STX1B: variants seen among roughly 807,000 people sequenced by gnomAD.
STX1B encodes the protein syntaxin 1B, also known as syntaxin-1B.
Under a neutral mutation model 39.4 loss-of-function variants are expected in STX1B, and 7 were observed. The observed-to-expected ratio is 0.18, with a 90% CI of 0.10 to 0.33. The LOEUF (loss-of-function observed/expected upper bound fraction) is 0.33. Among genes scored for constraint, STX1B ranks in the 10% least tolerant of loss-of-function variants. STX1B has a pLI of 1.00. For missense variants in STX1B, 198 were observed against 383.2 expected, an observed-to-expected ratio of 0.52 and a Z score of 4.04; for synonymous variants, 136 against 144.1, an observed-to-expected ratio of 0.94 and a Z score of 0.40.
rs1307946036 is a variant in STX1B, at chr16:31,001,469, AGGGGCTGGGGCTGGGTGCT to A, written c.105+41_105+59del. The A allele has an allele frequency of 9.0e-5, 95 of 1,050,924 alleles. No individual in the cohort carries two copies. In the South Asian group the frequency reaches 9.1e-4, roughly 10 times the overall value. 65.1% of individuals were successfully genotyped at this position (1,050,924 alleles called of 1,614,324 possible). ...GGGGCTGAGGCTGGGCGGTGGGACT[AGGGGCTGGGGCTGGGTGCT>A]GGGGCTGGGGCTGGGGCTGGGGGCC... is the stretch of plus-strand genomic sequence containing the variant. On this transcript the variant is annotated intron_variant, in intron 2 of 9. Transcript: ENST00000215095. The surrounding 1 kb of genome is among the most constrained non-coding windows in gnomAD (Gnocchi z 5.5).
At position 31,000,916 on chromosome 16, in the gene STX1B, T is replaced by TGTA; in HGVS notation, c.280+9_280+11dup. 1 of 1,613,938 alleles carries TGTA rather than the reference T, an allele frequency of 6.2e-7. No homozygotes were observed. The highest frequency in any genetic ancestry group is 1.1e-5 in the South Asian group (1 of 91,072). ...TTCTTTTCCTTCCTGGTTGAGGGAT[T>TGTA]GTACTCCTCACCTTTCAATTTGGAC... is the stretch of plus-strand genomic sequence containing the variant. On this transcript the variant is annotated intron_variant, in intron 4 of 9. Transcript: ENST00000215095.
intron 1 of STX1B, among the ~76,000 whole-genome samples, chr16:31,006,686 C>T (rs982078757): frequency 2.6e-5 from 4 of 152,090 alleles, no homozygotes; most frequent in African/African-American, 9.7e-5. Context: ...TGAGCTAGGT[C>T]CTGAAGGAGC....
chr16:31,000,897 T>C (rs1254948344), intron 4 of STX1B, 31 bp downstream of exon 4: 1 of 1,612,980 alleles, frequency 6.2e-7, no homozygotes, highest in African/African-American at 1.3e-5. Flanking sequence ...ACAATTCTTT[T>C]CCTTCCTGGT....
At chr16:30,993,025 G>C (rs1372937928) in intron 9 of STX1B, 105 bp downstream of exon 9, 7 of 1,338,464 alleles carry the variant, frequency 5.2e-6, no homozygotes, top group Non-Finnish European at 7.5e-6. Context: ...AACAGGAAGA[G>C]GTCAGAGCCA....
In STX1B at chr16:30,997,586, G is replaced by C; in HGVS notation, c.281-11C>G. The C allele has an allele frequency of 6.2e-7, 1 of 1,603,168 alleles. No homozygotes were observed. The highest frequency in any genetic ancestry group is 8.5e-7 in the Non-Finnish European group (1 of 1,175,734). On this transcript the variant is annotated splice_polypyrimidine_tract_variant and intron_variant, in intron 4 of 9. Transcript: ENST00000215095. Reference sequence around the variant, plus strand: ...TGCTTTGCTCGATCGCTGCGGGAGAGAGGGCGCAGCGATGGGCGGGAGACC... The same window carrying C: ...TGCTTTGCTCGATCGCTGCGGGAGACAGGGCGCAGCGATGGGCGGGAGACC...
chr16:31,003,775 A>G (rs1194511229), intron 1 of STX1B, among the ~76,000 whole-genome samples: 2 of 152,232 alleles, frequency 1.3e-5, no homozygotes, highest in African/African-American at 4.8e-5. Context: ...AATAAATACA[A>G]AGAGAGCTGG....
intron 6 of STX1B, 95 bp from the exon 7 acceptor site, chr16:30,996,851 G>C: frequency 6.4e-7 from 1 of 1,564,464 alleles, no homozygotes; most frequent in Non-Finnish European, 8.8e-7. Context: ...ACCCTCCCAC[G>C]CCGCCTTAAG....
At chr16:31,006,298 C>G (rs1414185150) in intron 1 of STX1B, among the ~76,000 whole-genome samples, 1 of 152,198 alleles carries the variant, frequency 6.6e-6, no homozygotes, top group Non-Finnish European at 1.5e-5. Flanking sequence ...CTCCCTCCCC[C>G]TGAGCAGCCT....
At chr16:30,993,092 G>A (rs2056571929) in intron 9 of STX1B, 38 bp downstream of exon 9, 1 of 1,596,880 alleles carries the variant, frequency 6.3e-7, no homozygotes, top group African/African-American at 1.3e-5. Context: ...TCAGCCTTGG[G>A]CTCCCCCGCC....
At chr16:31,004,677 TA>T (rs36004598) in intron 1 of STX1B, among the ~76,000 whole-genome samples, 55,547 of 140,766 alleles carry the variant, frequency 0.39, 11,128 homozygotes, top group East Asian at 0.88. Flanking sequence ...CCCCGTTTCT[TA>T]AAAAAAAAAA....
Position 31,001,420 on chromosome 16 carries a change from G to T in STX1B, c.105+109C>A. On this transcript the variant is annotated intron_variant, in intron 2 of 9. Coordinates refer to ENST00000215095, the MANE Select transcript of STX1B (RefSeq NM_052874.5). The surrounding 1 kb of genome is among the most constrained non-coding windows in gnomAD (Gnocchi z 5.5). ...CGGTGGGACTAGGGGCTGGGGCTGGGTGCTGGGGCTGGGGCTGGGTGCCGG... is the reference window on the plus strand; with the variant it reads ...CGGTGGGACTAGGGGCTGGGGCTGGTTGCTGGGGCTGGGGCTGGGTGCCGG... 1 of 933,814 alleles carries T rather than the reference G, an allele frequency of 1.1e-6. No homozygotes were observed. The highest frequency in any genetic ancestry group is 1.6e-5 in the South Asian group (1 of 63,042). 57.8% of individuals were successfully genotyped at this position (933,814 alleles called of 1,614,324 possible).
rs1037474716 is a variant in STX1B, at chr16:30,990,908, C to G, written c.*1913G>C. On this transcript the variant is annotated 3_prime_UTR_variant, in exon 10 of 10. Coordinates refer to ENST00000215095, the MANE Select transcript of STX1B (RefSeq NM_052874.5). ...CAGGAGAGGTGTCGGGGATGGGTCT[C>G]AGGACCCAGCCCACCCTGAGTGGCC... is the stretch of plus-strand genomic sequence containing the variant. 1 of 152,184 alleles carries G rather than the reference C, an allele frequency of 6.6e-6. No individual in the cohort carries two copies. The highest frequency in any genetic ancestry group is 2.4e-5 in the African/African-American group (1 of 41,432). 9.4% of individuals were successfully genotyped at this position (152,184 alleles called of 1,614,324 possible).
At chr16:31,000,155 G>T (rs2056617642) in intron 4 of STX1B, among the ~76,000 whole-genome samples, 1 of 150,488 alleles carries the variant, frequency 6.6e-6, no homozygotes. Flanking sequence ...CTGCCACCAT[G>T]CCCGGATAAT....
intron 5 of STX1B, 111 bp from the exon 6 acceptor site, chr16:30,997,170 G>A: frequency 1.4e-6 from 1 of 734,872 alleles, no homozygotes; most frequent in East Asian, 2.6e-5. Flanking sequence ...GGCGGAATAA[G>A]GAGGAAGCGC....
At position 31,001,178 on chromosome 16, in the gene STX1B, C is replaced by G. The variant is rs1428045237; in HGVS notation, c.121G>C (p.Gly41Arg). Residue 41 changes from glycine (G) to arginine (R), a missense_variant, in exon 3 of 10, where the codon GGC (glycine) becomes CGC (arginine). Physicochemically the swap from Gly to Arg is moderately radical, Grantham distance 125 (BLOSUM62 -2). Transcript: ENST00000215095. The surrounding 1 kb of genome is among the most constrained non-coding windows in gnomAD (Gnocchi z 5.5). ...EFFEQVEEIR[G>R]CIEKLSEDVE... ...TCCTCCGACAGTTTCTCAATGCAGCCCCGGATCTCTTCCACCTGGAGCAGA... is the reference window on the plus strand; with the variant it reads ...TCCTCCGACAGTTTCTCAATGCAGCGCCGGATCTCTTCCACCTGGAGCAGA... The G allele has an allele frequency of 1.2e-6, 2 of 1,613,848 alleles. No homozygotes were observed. Among genetic ancestry groups the G allele is most frequent in the Admixed American group, 3.3e-5 (2 of 60,020 alleles).
rs2056675699 is a variant in STX1B at position 31,010,449 on chromosome 16, C to T, written c.-53G>A. 3.1e-6 allele frequency: 4 copies of T among 1,299,352 alleles called. No homozygotes were observed. In the South Asian group the frequency reaches 6.5e-5, roughly 21 times the overall value. 80.5% of individuals were successfully genotyped at this position (1,299,352 alleles called of 1,614,324 possible). A position where few individuals can be genotyped will look rare whatever the true frequency, so the allele number is the denominator to read the frequency against. Reference sequence around the variant, plus strand: ...AGTCCTCCTGCCTCTGCTGCTGCTCCGGGTCTCCCGCCTCTGTGCCGGAGG... The same window carrying T: ...AGTCCTCCTGCCTCTGCTGCTGCTCTGGGTCTCCCGCCTCTGTGCCGGAGG... On this transcript the variant is annotated 5_prime_UTR_variant, in exon 1 of 10. Transcript: ENST00000215095.
intron 7 of STX1B, among the ~76,000 whole-genome samples, chr16:30,995,470 C>T (rs1325767387): frequency 3.3e-5 from 5 of 150,788 alleles, no homozygotes; most frequent in East Asian, 1.9e-4. Context: ...GAACTAGGTT[C>T]GGGGAAAGCC....
Position 31,010,472 on chromosome 16 carries a change from A to T in STX1B, c.-76T>A. ...TCCGGGTCTCCCGCCTCTGTGCCGG[A>T]GGCCGGGGTCTGGGGGCGCCGGGGG... On this transcript the variant is annotated 5_prime_UTR_variant, in exon 1 of 10. Transcript: ENST00000215095. The T allele has an allele frequency of 8.7e-7, 1 of 1,145,972 alleles. No homozygotes were observed. The highest frequency in any genetic ancestry group is 1.1e-6 in the Non-Finnish European group (1 of 893,828). 71.0% of individuals were successfully genotyped at this position (1,145,972 alleles called of 1,614,324 possible). A position where few individuals can be genotyped will look rare whatever the true frequency, so the allele number is the denominator to read the frequency against.
At chr16:30,998,604 A>G (rs2056608050) in intron 4 of STX1B, among the ~76,000 whole-genome samples, 1 of 152,110 alleles carries the variant, frequency 6.6e-6, no homozygotes, top group African/African-American at 2.4e-5. Context: ...TAGACTAGAA[A>G]CTCAGTTTCC....
Sources: allele counts gnomAD v4.1 joint callset (sites outside exome capture counted in the v4.1 genomes callset), GRCh38; gene constraint gnomAD v4.1.1; non-coding constraint Gnocchi (gnomAD v3.1); transcripts MANE v1.5; gene names NCBI Gene and HGNC (gene_info 2026-07-23, HGNC 2026-07-21).